The following ZNF100 variants were observed in gnomAD, a reference collection of about 807,000 sequenced individuals.
ZNF100 encodes the protein zinc finger protein 100, also known as zinc finger protein 100 (Y1).
In ZNF100, 12 loss-of-function variants were observed where a neutral mutation model predicts 15.8. The ratio of observed to expected loss-of-function variants is 0.76; its 90% CI spans 0.49 to 1.23. ZNF100 has a LOEUF of 1.23. Ranked by LOEUF, ZNF100 falls within the 50% of genes most tolerant of loss-of-function variation. ZNF100 has a pLI of 0.00. For synonymous variants in ZNF100, 226 were observed against 214.8 expected (o/e 1.05, Z -0.45); for missense variants, 670 against 635.6 (o/e 1.05, Z -0.58).
chr19:21,737,961 T>C (rs538738251), intron 4 of ZNF100, among the ~76,000 whole-genome samples: 35 of 151,968 alleles, frequency 2.3e-4, no homozygotes, highest in Admixed American at 3.9e-4. Context: ...CTGATAAATA[T>C]CGATGCAGGC....
chr19:21,750,844 C>T, intron 2 of ZNF100: 1 of 477,914 alleles, frequency 2.1e-6, no homozygotes, highest in Non-Finnish European at 3.7e-6. Context: ...GCAGAGACGC[C>T]CCATGGGGAA....
At chr19:21,764,127 G>T (rs2036523490) in intron 2 of ZNF100, among the ~76,000 whole-genome samples, 1 of 152,060 alleles carries the variant, frequency 6.6e-6, no homozygotes, top group Admixed American at 6.6e-5. Flanking sequence ...GACATCTGCA[G>T]GAGAGACTCC....
chr19:21,735,291 G>A (rs2035988073), intron 4 of ZNF100, among the ~76,000 whole-genome samples: 1 of 152,044 alleles, frequency 6.6e-6, no homozygotes, highest in East Asian at 1.9e-4. Context: ...TCAGGAGATC[G>A]AGACCATCTT....
At chr19:21,749,351 C>G (rs1025551942) in intron 2 of ZNF100, among the ~76,000 whole-genome samples, 6 of 151,552 alleles carry the variant, frequency 4.0e-5, no homozygotes, top group Admixed American at 2.6e-4. Flanking sequence ...CAGAATTAAC[C>G]ACTCGTCAGC....
Position 21,727,735 on chromosome 19 carries a change from T to C in ZNF100, c.577A>G (p.Asn193Asp), listed in dbSNP as rs567241411. ...AKVFHTFSNS[N>D]RHKIRHTRKK... ...CTAGTATGTCTTATCTTATGTCTGT[T>C]TGAATTTGAAAATGTATGAAAGACT... The change falls in exon 5 of 5, where the codon AAC (asparagine) becomes GAC (aspartate). Residue 193 changes from asparagine (N) to aspartate (D), a missense_variant. Transcript: ENST00000358296. 1 of 1,613,896 alleles carries C rather than the reference T, an allele frequency of 6.2e-7. No individual in the cohort carries two copies. Among genetic ancestry groups the C allele is most frequent in the South Asian group, 1.1e-5 (1 of 91,058 alleles).
chr19:21,757,727 T>G (rs1184243735), intron 2 of ZNF100, among the ~76,000 whole-genome samples: 1 of 152,012 alleles, frequency 6.6e-6, no homozygotes, highest in Non-Finnish European at 1.5e-5. Context: ...CTATCAGTGG[T>G]AGCCTAGATT....
intron 2 of ZNF100, among the ~76,000 whole-genome samples, chr19:21,757,652 C>T (rs1205117057): frequency 1.3e-5 from 2 of 152,178 alleles, no homozygotes; most frequent in Non-Finnish European, 2.9e-5. Flanking sequence ...CATAAAGTCA[C>T]ATGCACATGC....
chr19:21,736,336 T>C (rs2036008645), intron 4 of ZNF100, among the ~76,000 whole-genome samples: 1 of 151,220 alleles, frequency 6.6e-6, no homozygotes, highest in African/African-American at 2.4e-5. Flanking sequence ...CTGCCTGCCT[T>C]GGCCTCCCAA....
chr19:21,731,020 C>T (rs1007972150), intron 4 of ZNF100, among the ~76,000 whole-genome samples: 1 of 151,716 alleles, frequency 6.6e-6, no homozygotes, highest in Non-Finnish European at 1.5e-5. Flanking sequence ...ACAACAACCC[C>T]AAAAGTATAT....
At chr19:21,766,624 T>G (rs761502361) in intron 1 of ZNF100, among the ~76,000 whole-genome samples, 5 of 152,194 alleles carry the variant, frequency 3.3e-5, no homozygotes, top group Non-Finnish European at 7.3e-5. Flanking sequence ...TAAATGACTT[T>G]CCTTCAAGCC....
At chr19:21,751,537 G>A in intron 2 of ZNF100, 1 of 1,219,372 alleles carries the variant, frequency 8.2e-7, no homozygotes, top group Non-Finnish European at 1.2e-6. Context: ...CCACTAACTA[G>A]AAAAGGATTG....
At chr19:21,739,653 A>T (rs2036074006) in intron 4 of ZNF100, among the ~76,000 whole-genome samples, 1 of 152,162 alleles carries the variant, frequency 6.6e-6, no homozygotes, top group Admixed American at 6.5e-5. Flanking sequence ...AGCAAAAGTA[A>T]AACTGGCAAC....
intron 2 of ZNF100, among the ~76,000 whole-genome samples, chr19:21,755,728 T>C (rs1403953154): frequency 6.6e-6 from 1 of 152,142 alleles, no homozygotes; most frequent in Non-Finnish European, 1.5e-5. Flanking sequence ...GTGGTACATA[T>C]AAGCCATGGA....
At chr19:21,729,767 T>C (rs931989138) in intron 4 of ZNF100, among the ~76,000 whole-genome samples, 2 of 151,696 alleles carry the variant, frequency 1.3e-5, no homozygotes, top group African/African-American at 4.8e-5. Flanking sequence ...AAAGTGAAAA[T>C]CAGAGAAATC....
intron 2 of ZNF100, among the ~76,000 whole-genome samples, chr19:21,757,920 C>T (rs1383219859): frequency 2.6e-5 from 4 of 151,748 alleles, no homozygotes; most frequent in African/African-American, 9.7e-5. Context: ...GCCTGTAGTC[C>T]CAGTTACTTA....
Position 21,767,413 on chromosome 19 carries a change from C to A in ZNF100, c.3+14G>T, listed in dbSNP as rs1191436734. 2 of 1,609,186 alleles carry A rather than the reference C, an allele frequency of 1.2e-6. No individual in the cohort carries two copies. Among genetic ancestry groups the A allele is most frequent in the South Asian group, 2.2e-5 (2 of 91,028 alleles). The stretch of plus-strand genomic sequence containing the variant: ...TTTCGCCGTCTCTCGGGATGTCGGA[C>A]CGGGCACTCTCACCATTTCTAGGCT... On this transcript the variant is annotated intron_variant, in intron 1 of 4. Coordinates refer to ENST00000358296, the MANE Select transcript of ZNF100 (RefSeq NM_173531.4).
chr19:21,763,813 C>G (rs1277029528), intron 2 of ZNF100, among the ~76,000 whole-genome samples: 1 of 152,050 alleles, frequency 6.6e-6, no homozygotes, highest in East Asian at 1.9e-4. Flanking sequence ...CTTTTTTGCT[C>G]CACTGTATGA....
intron 4 of ZNF100, among the ~76,000 whole-genome samples, chr19:21,732,036 A>C (rs2035928846): frequency 6.6e-6 from 1 of 152,198 alleles, no homozygotes; most frequent in African/African-American, 2.4e-5. Context: ...GCGGATCACA[A>C]GGTCAGGAGT....
Position 21,727,875 on chromosome 19 carries a change from T to C in ZNF100, c.437A>G (p.Gln146Arg). ...CTCATCCACACTTTTACAGCCTTTT[T>C]GTAACTGTAAATTGTCATGTCCATA... is the stretch of plus-strand genomic sequence containing the variant. ...GKYGHDNLQL[Q>R]KGCKSVDECK... The change falls in exon 5 of 5, where the codon CAA becomes CGA. Residue 146 changes from glutamine (Q) to arginine (R), a missense_variant. Coordinates refer to ENST00000358296, the MANE Select transcript of ZNF100 (RefSeq NM_173531.4). The C allele has an allele frequency of 1.2e-6, 2 of 1,608,778 alleles. No individual in the cohort carries two copies. Among genetic ancestry groups the C allele is most frequent in the South Asian group, 2.2e-5 (2 of 89,376 alleles).
Sources: gnomAD v4.1 joint callset for allele counts (sites outside exome capture counted in the v4.1 genomes callset) on GRCh38, gnomAD v4.1.1 for gene constraint, MANE v1.5 for transcripts, NCBI Gene and HGNC (gene_info 2026-07-23, HGNC 2026-07-21) for gene names.